BNC2: variants seen among roughly 807,000 people sequenced by gnomAD.
BNC2 encodes the protein basonuclin zinc finger protein 2.
BNC2 carries 20 observed loss-of-function variants against 76.3 expected under a neutral mutation model. The observed-to-expected ratio is 0.26, with a 90% CI of 0.18 to 0.38. BNC2 has a LOEUF of 0.38. Ranked by LOEUF, BNC2 falls within the 10% of genes least tolerant of loss-of-function variation. BNC2 has a pLI of 1.00. For synonymous variants in BNC2, 582 were observed against 514.8 expected, an observed-to-expected ratio of 1.13 and a Z score of -1.77; for missense variants, 1,382 against 1,399.8, an observed-to-expected ratio of 0.99 and a Z score of 0.20.
intron 1 of BNC2, among the ~76,000 whole-genome samples, chr9:16,816,367 T>G (rs756465604): frequency 8.5e-5 from 13 of 152,180 alleles, no homozygotes; most frequent in Non-Finnish European, 1.6e-4. Context: ...CGAAGCTCAA[T>G]GCAGGGGCAT....
At chr9:16,741,782 A>G (rs1824857722) in intron 1 of BNC2, among the ~76,000 whole-genome samples, 1 of 151,944 alleles carries the variant, frequency 6.6e-6, no homozygotes, top group Admixed American at 6.6e-5. Flanking sequence ...ACGTGGTGAA[A>G]CCCCGTCTCT....
intron 3 of BNC2, among the ~76,000 whole-genome samples, chr9:16,698,938 T>G (rs1014696923): frequency 6.6e-6 from 1 of 152,238 alleles, no homozygotes; most frequent in Non-Finnish European, 1.5e-5. Context: ...ATCTGCCCTA[T>G]GAACACATAT....
In BNC2 at chr9:16,409,728, A is replaced by G. The variant is rs2118870984; in HGVS notation, c.*9261T>C. The G allele has an allele frequency of 6.5e-6, 1 of 152,768 alleles. No homozygotes were observed. Among genetic ancestry groups the G allele is most frequent in the East Asian group, 1.9e-4 (1 of 5,186 alleles). The allele number at this position is 152,768 out of a possible 1,614,324, so 9.5% of individuals were successfully genotyped here. On this transcript the variant is annotated 3_prime_UTR_variant, in exon 7 of 7. Transcript: ENST00000380672. ...AGCCTACCAATAAAAACAAAAAGCA[A>G]AACAGAACAAAACAAAAATAAAACC...
intron 3 of BNC2, among the ~76,000 whole-genome samples, chr9:16,657,855 T>A (rs1470925790): frequency 1.3e-5 from 2 of 152,306 alleles, no homozygotes; most frequent in East Asian, 3.9e-4. Context: ...TTGTGGGGGC[T>A]ACTTGGGATA....
Position 16,558,800 on chromosome 9 carries a change from G to A in BNC2, c.434-6035C>T, listed in dbSNP as rs924467524. Among the ~76,000 whole-genome samples the A allele has an allele frequency of 4.1e-4, 63 of 151,906 alleles. 3 individuals are homozygous for A. Among genetic ancestry groups the A allele is most frequent in the East Asian group, 1.4e-3 (7 of 5,138 alleles). On this transcript the variant is annotated intron_variant, in intron 4 of 6. Coordinates refer to ENST00000380672, the MANE Select transcript of BNC2 (RefSeq NM_017637.6). ...AAAAATTGTCCAGGCACGGTGGCGC[G>A]CACCTGTAGTCCCAGCTACTCTACT...
chr9:16,479,441 G>A (rs10962442), intron 5 of BNC2, among the ~76,000 whole-genome samples: 1 of 152,018 alleles, frequency 6.6e-6, no homozygotes, highest in Non-Finnish European at 1.5e-5. Context: ...TTTCAAAAAG[G>A]TTCATTTTCC....
intron 3 of BNC2, among the ~76,000 whole-genome samples, chr9:16,584,758 A>G (rs1421849310): frequency 6.6e-6 from 1 of 152,190 alleles, no homozygotes; most frequent in Non-Finnish European, 1.5e-5. Context: ...CAAGTCAGAA[A>G]TAGTTTATTT....
rs1247910266 is a variant in BNC2, at chr9:16,412,517, C to G, written c.*6472G>C. The G allele has an allele frequency of 6.6e-6, 1 of 152,562 alleles. No homozygotes were observed. The highest frequency in any genetic ancestry group is 1.5e-5 in the Non-Finnish European group (1 of 68,030). The allele number at this position is 152,562 out of a possible 1,614,324, so 9.5% of individuals were successfully genotyped here. On this transcript the variant is annotated 3_prime_UTR_variant, in exon 7 of 7. Transcript: ENST00000380672. ...TACTCTCAAGATGGAATTGTTAACA[C>G]TTAAGTTTTCAAAGAAGCAAAGGAT...
In BNC2 at chr9:16,737,324, T is replaced by C. The variant is rs540034153; in HGVS notation, c.129+1036A>G. Among the ~76,000 whole-genome samples the C allele has an allele frequency of 3.0e-3, 416 of 140,434 alleles. 2 individuals are homozygous for C. The highest frequency in any genetic ancestry group is 0.021 in the Middle Eastern group (5 of 236). 92.1% of individuals were successfully genotyped at this position (140,434 alleles called of 152,430 possible). A position where few individuals can be genotyped will look rare whatever the true frequency, so the allele number is the denominator to read the frequency against. On this transcript the variant is annotated intron_variant, in intron 2 of 6. Coordinates refer to ENST00000380672, the MANE Select transcript of BNC2 (RefSeq NM_017637.6). ...GGAGTGCAGTGGCGCAATCTTGGCT[T>C]ACTGCAAGCTCCGCCTCCCAAGCTC...
At chr9:16,587,491 A>G (rs1055644357) in intron 3 of BNC2, among the ~76,000 whole-genome samples, 1 of 152,052 alleles carries the variant, frequency 6.6e-6, no homozygotes, top group Non-Finnish European at 1.5e-5. Flanking sequence ...TTTTATTCTC[A>G]CGGTTACTAC....
chr9:16,816,381 G>C (rs1257632688), intron 1 of BNC2, among the ~76,000 whole-genome samples: 1 of 152,162 alleles, frequency 6.6e-6, no homozygotes, highest in Non-Finnish European at 1.5e-5. Context: ...GGGGCATGTA[G>C]GTGTGCACGC....
intron 3 of BNC2, among the ~76,000 whole-genome samples, chr9:16,702,185 G>C (rs923347093): frequency 2.0e-5 from 3 of 152,050 alleles, no homozygotes; most frequent in African/African-American, 7.3e-5. Context: ...TTCTACAGAG[G>C]TGTAAACACT....
At chr9:16,798,906 CT>C (rs1197174002) in intron 1 of BNC2, among the ~76,000 whole-genome samples, 1 of 152,118 alleles carries the variant, frequency 6.6e-6, no homozygotes, top group East Asian at 1.9e-4. Context: ...CAATTGCTGA[CT>C]TTGGTCACCA....
At chr9:16,490,363 G>A (rs990960991) in intron 5 of BNC2, among the ~76,000 whole-genome samples, 3 of 152,038 alleles carry the variant, frequency 2.0e-5, no homozygotes, top group African/African-American at 7.2e-5. Context: ...GAAGAGCAAG[G>A]GAACGACCAG....
At chr9:16,482,749 G>A (rs1286736346) in intron 5 of BNC2, among the ~76,000 whole-genome samples, 2 of 152,196 alleles carry the variant, frequency 1.3e-5, no homozygotes, top group African/African-American at 4.8e-5. Context: ...AATAAACTCA[G>A]AGGAATCAAC....
Position 16,769,717 on chromosome 9 carries a change from G to A in BNC2, c.4-31232C>T, listed in dbSNP as rs576585277. On this transcript the variant is annotated intron_variant, in intron 1 of 6. Coordinates refer to ENST00000380672, the MANE Select transcript of BNC2 (RefSeq NM_017637.6). Reference sequence around the variant, plus strand: ...CCAAGTCGCCAGCTTAATGTAAAGAGCAAATGATGATGGATGTAAAGCATC... The same window carrying A: ...CCAAGTCGCCAGCTTAATGTAAAGAACAAATGATGATGGATGTAAAGCATC... Among the ~76,000 whole-genome samples, 24 of 152,304 alleles carry A rather than the reference G, an allele frequency of 1.6e-4. No individual in the cohort carries two copies. The East Asian group carries it at 4.6e-3, about 29-fold the overall frequency.
intron 5 of BNC2, among the ~76,000 whole-genome samples, chr9:16,458,157 A>G (rs1453739676): frequency 6.6e-6 from 1 of 152,228 alleles, no homozygotes; most frequent in African/African-American, 2.4e-5. Context: ...GAAAACCCCT[A>G]CCATTATAAA....
intron 5 of BNC2, among the ~76,000 whole-genome samples, chr9:16,463,377 A>T (rs1821629806): frequency 7.5e-6 from 1 of 133,548 alleles, no homozygotes; most frequent in African/African-American, 3.4e-5. Context: ...GCTCACTGCA[A>T]GCTCCGCCTC....
chr9:16,551,256 G>T (rs890214756), intron 5 of BNC2, among the ~76,000 whole-genome samples: 2 of 152,154 alleles, frequency 1.3e-5, no homozygotes, highest in African/African-American at 4.8e-5. Context: ...ATTCTATTCT[G>T]AGAGCAGACA....
Sources: allele counts gnomAD v4.1 joint callset (sites outside exome capture counted in the v4.1 genomes callset), GRCh38; gene constraint gnomAD v4.1.1; transcripts MANE v1.5; gene names NCBI Gene and HGNC (gene_info 2026-07-23, HGNC 2026-07-21).